OTOF: variants seen among roughly 807,000 people sequenced by gnomAD.
OTOF encodes the protein fer-1-like family member 2.
OTOF carries 218 observed loss-of-function variants against 236.8 expected under a neutral mutation model. The observed-to-expected ratio is 0.92, with a 90% CI of 0.82 to 1.03. The LOEUF is 1.03. Ranked by LOEUF, OTOF falls within the 50% of genes least tolerant of loss-of-function variation. OTOF has a pLI of 0.00. For missense variants in OTOF, 2,590 were observed against 2,694.4 expected (o/e 0.96, Z 0.86); for synonymous variants, 1,041 against 1,072.5 (o/e 0.97, Z 0.57).
chr2:26,525,021 G>C (rs1276533714), intron 3 of OTOF, among the ~76,000 whole-genome samples: 1 of 152,142 alleles, frequency 6.6e-6, no homozygotes, highest in Non-Finnish European at 1.5e-5. Flanking sequence ...ACTTGTTCCT[G>C]TTTCTCCTGT....
Position 26,475,151 on chromosome 2 carries a change from G to C in OTOF, c.3126+208C>G, listed in dbSNP as rs4427975. On this transcript the variant is annotated intron_variant, in intron 25 of 46. Transcript: ENST00000272371. ...TGTAGGAGACAGGAGGTGAGGATGTGCTGGCCTGGGAAGGGGTCAGGCTGC... is the reference window on the plus strand; with the variant it reads ...TGTAGGAGACAGGAGGTGAGGATGTCCTGGCCTGGGAAGGGGTCAGGCTGC... Among the ~76,000 whole-genome samples, 93,638 of 151,824 alleles carry C rather than the reference G, an allele frequency of 0.62. 31,906 individuals carry two copies. The highest frequency in any genetic ancestry group is 0.98 in the East Asian group (5,020 of 5,112).
At chr2:26,481,122 C>T (rs1223499733) in intron 14 of OTOF, 113 bp from the exon 15 acceptor site, 1 of 740,780 alleles carries the variant, frequency 1.3e-6, no homozygotes, top group Non-Finnish European at 2.4e-6. Context: ...GAGCTGAGAA[C>T]TTCATGTGTG....
intron 14 of OTOF, among the ~76,000 whole-genome samples, 157 bp downstream of exon 14, chr2:26,482,249 C>G (rs1337917002): frequency 2.0e-5 from 3 of 152,162 alleles, no homozygotes; most frequent in Admixed American, 2.0e-4. Context: ...TCCTCACCCT[C>G]CCCCTGAGGC....
At chr2:26,466,250 G>T (rs544933352) in intron 36 of OTOF, 174 bp from the exon 37 acceptor site, 2 of 717,144 alleles carry the variant, frequency 2.8e-6, no homozygotes, top group East Asian at 5.4e-5. Context: ...TCTGGGCGTT[G>T]ACTTCTTCCT....
At chr2:26,493,488 C>T (rs1310596548) in intron 9 of OTOF, among the ~76,000 whole-genome samples, 1 of 152,206 alleles carries the variant, frequency 6.6e-6, no homozygotes, top group East Asian at 1.9e-4. Flanking sequence ...GGGCCCAGGC[C>T]TGTGGCTTCT....
chr2:26,467,087 T>A lies in OTOF; in HGVS notation c.4362+12A>T, dbSNP rs747401670. The A allele has an allele frequency of 6.2e-7, 1 of 1,612,186 alleles. No homozygotes were observed. Among genetic ancestry groups the A allele is most frequent in the Non-Finnish European group, 8.5e-7 (1 of 1,179,870 alleles). On this transcript the variant is annotated intron_variant, in intron 35 of 46. Transcript: ENST00000272371. ...GCGGGTGCTCAGGCTGGGCCCGTGC[T>A]CCTGGCCTGACCTTGAAGCGTCCCA...
chr2:26,478,103 C>T lies in OTOF; in HGVS notation c.2215-354G>A, dbSNP rs866223420. The T allele has an allele frequency of 9.1e-5, 117 of 1,278,918 alleles. 1 individual carries two copies. The Middle Eastern group carries it at 4.6e-3, about 50-fold the overall frequency. The allele number at this position is 1,278,918 out of a possible 1,614,324, so 79.2% of individuals were successfully genotyped here. A position where few individuals can be genotyped will look rare whatever the true frequency, so the allele number is the denominator to read the frequency against. On this transcript the variant is annotated intron_variant, in intron 18 of 46. Coordinates refer to ENST00000272371, the MANE Select transcript of OTOF (RefSeq NM_194248.3). The stretch of plus-strand genomic sequence containing the variant: ...ACCCTAGGACTGGATGTGCCAAGAT[C>T]CTGACGTCACTCCAGAATGCTGGAG...
In OTOF at chr2:26,460,293, T is replaced by C; in HGVS notation, c.5814-88A>G. ...GAGGGGCCAAGACCAAGAGGGAAGCTGTCCTGGGCTGTGTGTGCAGTTCTA... is the reference window on the plus strand; with the variant it reads ...GAGGGGCCAAGACCAAGAGGGAAGCCGTCCTGGGCTGTGTGTGCAGTTCTA... On this transcript the variant is annotated intron_variant, in intron 45 of 46. Coordinates refer to ENST00000272371, the MANE Select transcript of OTOF (RefSeq NM_194248.3). This position sits in a 1 kb window ranked among gnomAD's most constrained non-coding sequence, Gnocchi z 5.3. 4 of 1,085,366 alleles carry C rather than the reference T, an allele frequency of 3.7e-6. No individual in the cohort carries two copies. Among genetic ancestry groups the C allele is most frequent in the Non-Finnish European group, 5.5e-6 (4 of 726,372 alleles). The allele number at this position is 1,085,366 out of a possible 1,614,324, so 67.2% of individuals were successfully genotyped here.
intron 8 of OTOF, among the ~76,000 whole-genome samples, chr2:26,497,492 T>C (rs572290296): frequency 6.6e-6 from 1 of 152,328 alleles, no homozygotes; most frequent in South Asian, 2.1e-4. Context: ...AAATACGACT[T>C]TACTTGAGAG....
chr2:26,537,923 G>C (rs1264617100), intron 1 of OTOF, 149 bp from the exon 2 acceptor site: 2 of 703,626 alleles, frequency 2.8e-6, no homozygotes, highest in Non-Finnish European at 5.2e-6. Flanking sequence ...CTCCCAGGGT[G>C]AGGCCAGTCC....
intron 1 of OTOF, among the ~76,000 whole-genome samples, chr2:26,539,345 C>T (rs1189255547): frequency 6.6e-6 from 1 of 152,064 alleles, no homozygotes; most frequent in East Asian, 1.9e-4. Flanking sequence ...AAAAAGGCAG[C>T]ATGTATATTA....
chr2:26,476,484 A>G (rs1665277058), intron 22 of OTOF, among the ~76,000 whole-genome samples, 167 bp from the exon 23 acceptor site: 1 of 96,444 alleles, frequency 1.0e-5, no homozygotes, highest in Non-Finnish European at 2.0e-5. Context: ...GGGGGCCGTC[A>G]TGCCCCCTTC....
intron 12 of OTOF, 75 bp from the exon 13 acceptor site, chr2:26,483,723 C>G (rs910301668): frequency 7.4e-7 from 1 of 1,346,758 alleles, no homozygotes. Flanking sequence ...CTACACACTC[C>G]TGGGTCCTGG....
In OTOF at chr2:26,460,199, G is replaced by A. The variant is rs765678871; in HGVS notation, c.5820C>T (p.Pro1940=). The A allele has an allele frequency of 4.6e-5, 74 of 1,601,184 alleles. No homozygotes were observed. Among genetic ancestry groups the A allele is most frequent in the Admixed American group, 1.4e-4 (8 of 58,436 alleles). Residue 1940 remains proline (P), a synonymous_variant, in exon 46 of 47, where the codon CCC becomes CCT. Transcript: ENST00000272371. The surrounding 1 kb of genome is among the most constrained non-coding windows in gnomAD (Gnocchi z 5.3). ...TCAGGAACCAGATGAAGCTCGTGTCGGGCCGGCTGGAGTATGAAGGGTAGA... is the reference window on the plus strand; with the variant it reads ...TCAGGAACCAGATGAAGCTCGTGTCAGGCCGGCTGGAGTATGAAGGGTAGA... The part of the protein sequence containing the change: ...EPDPLEKPNR[P]DTSFIWFLNP...
At chr2:26,543,202 G>A (rs1667248612) in intron 1 of OTOF, among the ~76,000 whole-genome samples, 1 of 152,110 alleles carries the variant, frequency 6.6e-6, no homozygotes, top group South Asian at 2.1e-4. Flanking sequence ...TCCTTTTGAA[G>A]GCCAGATACT....
In OTOF at chr2:26,461,026, G is replaced by A. The variant is rs1248845161; in HGVS notation, c.5538C>T (p.Ala1846=). 6.3e-7 allele frequency: 1 copy of A among 1,587,984 alleles called. No homozygotes were observed. The highest frequency in any genetic ancestry group is 8.6e-7 in the Non-Finnish European group (1 of 1,166,926). The change falls in exon 44 of 47, where the codon GCC becomes GCT. Residue 1846 remains alanine, a synonymous_variant. Coordinates refer to ENST00000272371, the MANE Select transcript of OTOF (RefSeq NM_194248.3). The surrounding 1 kb of genome is among the most constrained non-coding windows in gnomAD (Gnocchi z 6.2). ...GGAACCGGTTCAGGTCCAGCTCGATGGCCCCTGTGGCAACCTCAGTGTCAG... is the reference window on the plus strand; with the variant it reads ...GGAACCGGTTCAGGTCCAGCTCGATAGCCCCTGTGGCAACCTCAGTGTCAG... ...DHFSADDFLG[A]IELDLNRFPR... is the part of the protein sequence containing the mutation.
Position 26,477,630 on chromosome 2 carries a change from G to A in OTOF, c.2315+19C>T, listed in dbSNP as rs754942577. The A allele has an allele frequency of 4.3e-6, 7 of 1,611,802 alleles. No individual in the cohort carries two copies. Among genetic ancestry groups the A allele is most frequent in the Non-Finnish European group, 5.9e-6 (7 of 1,179,728 alleles). ...GTTCCGCCTCATCCTCCCCCCACCT[G>A]CCGCCCCTCCCTTCTCACCAGCAGC... On this transcript the variant is annotated intron_variant, in intron 19 of 46. Coordinates refer to ENST00000272371, the MANE Select transcript of OTOF (RefSeq NM_194248.3). This position sits in a 1 kb window ranked among gnomAD's most constrained non-coding sequence, Gnocchi z 4.7.
Position 26,460,784 on chromosome 2 carries a change from G to T in OTOF, c.5713-37C>A, listed in dbSNP as rs564355706. Reference sequence around the variant, plus strand: ...AGACAGGTCCCAGCGTCCAGGCTGCGTGCTGGGCCCTTGGCACCCCAGCCA... The same window carrying T: ...AGACAGGTCCCAGCGTCCAGGCTGCTTGCTGGGCCCTTGGCACCCCAGCCA... On this transcript the variant is annotated intron_variant, in intron 44 of 46. Transcript: ENST00000272371. The surrounding 1 kb of genome is among the most constrained non-coding windows in gnomAD (Gnocchi z 5.3). 1.2e-6 allele frequency: 2 copies of T among 1,612,208 alleles called. No homozygotes were observed. Among genetic ancestry groups the T allele is most frequent in the Non-Finnish European group, 1.7e-6 (2 of 1,178,468 alleles).
rs778173613 is a variant in OTOF at position 26,464,930 on chromosome 2, A to G, written c.4899T>C (p.Pro1633=). The G allele has an allele frequency of 6.3e-7, 1 of 1,586,530 alleles. No homozygotes were observed. The highest frequency in any genetic ancestry group is 1.2e-5 in the South Asian group (1 of 85,976). The part of the protein sequence containing the change: ...GKVDGPHFGP[P]GRVKVANRVF... ...CGCGGTTGGCCACCTTCACTCTCCCAGGGGGCCCAAAGTGGGGGCCGTCCA... is the reference window on the plus strand; with the variant it reads ...CGCGGTTGGCCACCTTCACTCTCCCGGGGGGCCCAAAGTGGGGGCCGTCCA... Residue 1633 remains proline, a synonymous_variant, in exon 39 of 47, where the codon CCT becomes CCC. Transcript: ENST00000272371.
Sources: allele counts gnomAD v4.1 joint callset (sites outside exome capture counted in the v4.1 genomes callset), GRCh38; gene constraint gnomAD v4.1.1; non-coding constraint Gnocchi (gnomAD v3.1); transcripts MANE v1.5; gene names NCBI Gene and HGNC (gene_info 2026-07-23, HGNC 2026-07-21).